Variants in RICTOR observed in about 807,000 individuals in gnomAD.
The protein encoded by RICTOR is rapamycin-insensitive companion of mTOR.
RICTOR carries 49 observed loss-of-function variants against 214.9 expected under a neutral mutation model. The ratio of observed to expected loss-of-function variants is 0.23; its 90% CI spans 0.18 to 0.29. The LOEUF is 0.29. RICTOR is among the 10% of genes least tolerant of loss of function. RICTOR has a pLI of 1.00. For synonymous variants in RICTOR, 717 were observed against 711.3 expected, an observed-to-expected ratio of 1.01 and a Z score of -0.13; for missense variants, 1,625 against 2,047.0, an observed-to-expected ratio of 0.79 and a Z score of 3.98.
At chr5:39,056,344 A>C (rs1045069857) in intron 2 of RICTOR, among the ~76,000 whole-genome samples, 1 of 152,208 alleles carries the variant, frequency 6.6e-6, no homozygotes, top group African/African-American at 2.4e-5. Flanking sequence ...TGAAAGAAAA[A>C]GCAATAATGC....
At chr5:39,034,914 G>A (rs1477123595) in intron 2 of RICTOR, among the ~76,000 whole-genome samples, 1 of 152,250 alleles carries the variant, frequency 6.6e-6, no homozygotes, top group Non-Finnish European at 1.5e-5. Flanking sequence ...ACAAAAGGCA[G>A]CAGTAACCTC....
chr5:38,990,759 A>G (rs1752670043), intron 7 of RICTOR, among the ~76,000 whole-genome samples, 190 bp downstream of exon 7: 1 of 104,832 alleles, frequency 9.5e-6, no homozygotes, highest in African/African-American at 3.6e-5. Flanking sequence ...TATATGATAT[A>G]TATGAGATAT....
intron 1 of RICTOR, 23 bp downstream of exon 1, chr5:39,074,306 A>C (rs1050801822): frequency 6.6e-7 from 1 of 1,521,038 alleles, no homozygotes; most frequent in Non-Finnish European, 8.9e-7. Flanking sequence ...GGCGGTGGGG[A>C]GTGAGGGTTG....
At chr5:38,965,103 A>G (rs573727732) in intron 15 of RICTOR, among the ~76,000 whole-genome samples, 276 of 152,006 alleles carry the variant, frequency 1.8e-3, no homozygotes, top group African/African-American at 5.1e-3. Context: ...AGATACACAC[A>G]TATTAACATA....
chr5:39,047,449 T>C (rs1405935811), intron 2 of RICTOR, among the ~76,000 whole-genome samples: 1 of 152,226 alleles, frequency 6.6e-6, no homozygotes, highest in Non-Finnish European at 1.5e-5. Context: ...CACCTCCTGC[T>C]GTGTGGCCCC....
intron 9 of RICTOR, among the ~76,000 whole-genome samples, chr5:38,977,907 A>T (rs1751378078): frequency 6.6e-6 from 1 of 152,170 alleles, no homozygotes; most frequent in Admixed American, 6.5e-5. Context: ...AAAACAATAA[A>T]AACATTTCCC....
intron 2 of RICTOR, among the ~76,000 whole-genome samples, chr5:39,021,721 C>T (rs1341527778): frequency 2.6e-5 from 4 of 152,096 alleles, no homozygotes; most frequent in Non-Finnish European, 4.4e-5. Context: ...CGACCTCAGA[C>T]TTCCCTGCCT....
intron 6 of RICTOR, among the ~76,000 whole-genome samples, chr5:38,994,589 G>A (rs904653671): frequency 3.3e-5 from 5 of 152,052 alleles, no homozygotes; most frequent in African/African-American, 7.2e-5. Context: ...CAATTCTACC[G>A]CTGATTCTAT....
intron 17 of RICTOR, 118 bp downstream of exon 17, chr5:38,962,758 T>C: frequency 1.1e-6 from 1 of 913,108 alleles, no homozygotes; most frequent in Non-Finnish European, 1.7e-6. Context: ...TCAGAAGCCA[T>C]CTGAAAATTC....
intron 5 of RICTOR, among the ~76,000 whole-genome samples, chr5:38,997,287 G>C (rs1340313858): frequency 1.3e-5 from 2 of 152,020 alleles, no homozygotes; most frequent in African/African-American, 4.8e-5. Context: ...TTTGACCAGG[G>C]CTTAAACTAA....
chr5:38,946,508 A>C lies in RICTOR; in HGVS notation c.4359T>G (p.His1453Gln), dbSNP rs749599113. ...PYFQTKNIPP[H>Q]DDRGARAFAH... is the part of the protein sequence containing the mutation. ...CAAATGCTCTTGCACCTCGATCATC[A>C]TGTGGTGGTATGTTTTTTGTCTGAA... Residue 1453 changes from histidine (H) to glutamine (Q), a missense_variant, in exon 33 of 38, where the codon CAT (histidine) becomes CAG (glutamine). His to Gln is a conservative substitution (Grantham distance 24). This residue lies in a region of RICTOR where 1,214 missense variants were observed against 1,470.5 expected (regional missense o/e 0.83). Transcript: ENST00000357387. 1.9e-6 allele frequency: 3 copies of C among 1,611,870 alleles called. No homozygotes were observed. The South Asian group carries it at 3.3e-5, about 18-fold the overall frequency.
At position 38,990,821 on chromosome 5, in the gene RICTOR, TATATG is replaced by T. The variant is rs1309862021; in HGVS notation, c.583+123_583+127del. The T allele has an allele frequency of 7.2e-4, 127 of 177,564 alleles. 2 individuals are homozygous for T. The African/African-American group carries it at 7.3e-3, about 10-fold the overall frequency. 11.0% of individuals were successfully genotyped at this position (177,564 alleles called of 1,614,324 possible). On this transcript the variant is annotated intron_variant, in intron 7 of 37. Coordinates refer to ENST00000357387, the MANE Select transcript of RICTOR (RefSeq NM_152756.5). The stretch of plus-strand genomic sequence containing the variant: ...TATGATATATATGAGATATATGAGA[TATATG>T]ATATATGAGATATATGAGATATATG...
chr5:38,970,833 G>GT (rs1750718124), intron 11 of RICTOR: 1 of 151,916 alleles, frequency 6.6e-6, no homozygotes, highest in Non-Finnish European at 1.5e-5. Flanking sequence ...AACCACCATC[G>GT]TTAAAATAAA....
At chr5:39,049,951 G>C (rs779292647) in intron 2 of RICTOR, among the ~76,000 whole-genome samples, 112 of 152,110 alleles carry the variant, frequency 7.4e-4, no homozygotes, top group Non-Finnish European at 1.3e-3. Context: ...AGACAAAATG[G>C]GGGAAATGCA....
chr5:39,046,061 A>AAATAAATAAATAAATG (rs1177745657), intron 2 of RICTOR, among the ~76,000 whole-genome samples: 5 of 150,596 alleles, frequency 3.3e-5, no homozygotes, highest in Non-Finnish European at 5.9e-5. Context: ...ATAAATAAAT[A>AAATAAATAAATAAATG]AATGCTGGCC....
At chr5:39,033,256 T>C (rs1756399033) in intron 2 of RICTOR, among the ~76,000 whole-genome samples, 1 of 151,914 alleles carries the variant, frequency 6.6e-6, no homozygotes, top group Admixed American at 6.6e-5. Context: ...ACCAGTGTCC[T>C]ACTCTTTTTT....
rs192486485 is a variant in RICTOR at position 39,038,986 on chromosome 5, C to G, written c.98-17850G>C. 3.2e-3 allele frequency among the ~76,000 whole-genome samples: 484 copies of G among 152,070 alleles called. 21 individuals carry two copies. In the East Asian group the frequency reaches 0.087, roughly 27 times the overall value. ...AACTACTTTAAAGTTCATATGGAAC[C>G]AAAAAAGAGCCCGCATTGCCAGGTC... On this transcript the variant is annotated intron_variant, in intron 2 of 37. Coordinates refer to ENST00000357387, the MANE Select transcript of RICTOR (RefSeq NM_152756.5).
intron 3 of RICTOR, among the ~76,000 whole-genome samples, chr5:39,019,459 A>G (rs1235250244): frequency 6.6e-6 from 1 of 152,156 alleles, no homozygotes; most frequent in Non-Finnish European, 1.5e-5. Flanking sequence ...TATTCTGAAA[A>G]TCCTAGAGAT....
Position 38,959,739 on chromosome 5 carries a change from A to C in RICTOR, c.2051+40T>G, listed in dbSNP as rs370566498. On this transcript the variant is annotated intron_variant, in intron 21 of 37. Coordinates refer to ENST00000357387, the MANE Select transcript of RICTOR (RefSeq NM_152756.5). ...CCATATCTAACTACATTAAAAATAA[A>C]GTTCATGTATATATTGCAACAAAAT... 6.2e-6 allele frequency: 8 copies of C among 1,298,094 alleles called. No individual in the cohort carries two copies. In the African/African-American group the frequency reaches 1.2e-4, roughly 19 times the overall value. 80.4% of individuals were successfully genotyped at this position (1,298,094 alleles called of 1,614,324 possible). A position where few individuals can be genotyped will look rare whatever the true frequency, so the allele number is the denominator to read the frequency against.
Sources: allele counts gnomAD v4.1 joint callset (sites outside exome capture counted in the v4.1 genomes callset), GRCh38; gene constraint gnomAD v4.1.1; regional missense constraint gnomAD v4.1.1; transcripts MANE v1.5; gene names NCBI Gene and HGNC (gene_info 2026-07-23, HGNC 2026-07-21).